TJP1: variants seen among roughly 807,000 people sequenced by gnomAD.
The protein encoded by TJP1 is tight junction protein 1.
TJP1 carries 43 observed loss-of-function variants against 194.2 expected under a neutral mutation model. The ratio of observed to expected loss-of-function variants is 0.22; its 90% CI spans 0.17 to 0.29. The LOEUF is 0.29. TJP1 is among the 10% of genes least tolerant of loss of function. The pLI is 1.00. For synonymous variants in TJP1, 801 were observed against 779.0 expected (o/e 1.03, Z -0.47); for missense variants, 1,971 against 2,185.7 (o/e 0.90, Z 1.96).
intron 2 of TJP1, among the ~76,000 whole-genome samples, chr15:29,874,298 G>A (rs1227780547): frequency 6.6e-6 from 1 of 152,158 alleles, no homozygotes; most frequent in Non-Finnish European, 1.5e-5. Context: ...TATCAGGGAT[G>A]GGGTTGCAGA....
intron 2 of TJP1, among the ~76,000 whole-genome samples, chr15:29,794,978 C>T (rs2048313544): frequency 6.6e-6 from 1 of 151,864 alleles, no homozygotes; most frequent in Non-Finnish European, 1.5e-5. Flanking sequence ...CCAGACTGAC[C>T]AAGAAATAAG....
chr15:29,955,351 A>G (rs2055895743), intron 2 of TJP1, among the ~76,000 whole-genome samples: 1 of 152,188 alleles, frequency 6.6e-6, no homozygotes, highest in East Asian at 1.9e-4. Context: ...TTTACAGCAA[A>G]GAAAATTCTA....
At chr15:29,763,166 A>T (rs1239264164) in intron 5 of TJP1, among the ~76,000 whole-genome samples, 4 of 152,134 alleles carry the variant, frequency 2.6e-5, no homozygotes, top group Non-Finnish European at 5.9e-5. Flanking sequence ...CCTTTAAACA[A>T]CCAACAAAGT....
chr15:29,845,665 C>T (rs779727267), intron 2 of TJP1, among the ~76,000 whole-genome samples: 9 of 152,024 alleles, frequency 5.9e-5, no homozygotes, highest in Admixed American at 1.3e-4. Flanking sequence ...ATTAGCCGGG[C>T]GTGGTGGCAG....
intron 2 of TJP1, among the ~76,000 whole-genome samples, chr15:29,844,196 G>A (rs1307445355): frequency 6.6e-6 from 1 of 152,058 alleles, no homozygotes; most frequent in East Asian, 1.9e-4. Context: ...TCAGCCTCCC[G>A]AGTAGCTGGG....
At chr15:29,905,511 T>A (rs192338700) in intron 2 of TJP1, among the ~76,000 whole-genome samples, 2 of 152,344 alleles carry the variant, frequency 1.3e-5, no homozygotes, top group South Asian at 2.1e-4. Context: ...CTCTTTAGTA[T>A]TTATCCAAAT....
intron 2 of TJP1, among the ~76,000 whole-genome samples, chr15:29,887,446 C>T (rs1327895828): frequency 4.6e-5 from 7 of 151,620 alleles, no homozygotes; most frequent in African/African-American, 1.7e-4. Context: ...ATTACAGGCA[C>T]GTGCCACCAA....
intron 2 of TJP1, among the ~76,000 whole-genome samples, chr15:29,888,198 A>G (rs1489041243): frequency 1.3e-5 from 2 of 152,058 alleles, no homozygotes; most frequent in Non-Finnish European, 2.9e-5. Flanking sequence ...TTTTTTAAAT[A>G]TAGATTTATA....
chr15:29,742,969 A>G (rs1259023452), intron 8 of TJP1, 188 bp from the exon 9 acceptor site: 7 of 423,354 alleles, frequency 1.7e-5, no homozygotes, highest in Non-Finnish European at 2.8e-5. Flanking sequence ...AAATAGATTC[A>G]TGTAATAAAA....
chr15:29,959,377 G>C (rs377139057), intron 1 of TJP1, among the ~76,000 whole-genome samples: 33 of 151,986 alleles, frequency 2.2e-4, no homozygotes, highest in East Asian at 1.4e-3. Flanking sequence ...ACCATCTAAT[G>C]TTTTTCTATT....
chr15:29,716,723 G>T lies in TJP1; in HGVS notation c.4090C>A (p.Arg1364=). The T allele has an allele frequency of 1.2e-6, 2 of 1,613,962 alleles. No homozygotes were observed. The highest frequency in any genetic ancestry group is 1.3e-5 in the African/African-American group (1 of 74,960). ...GGAGGCTTATTCTCAAAACTTCTTC[G>T]GTCAAAGTATGACAGCTGTTTTCGA... ...YYRKQLSYFD[R]RSFENKPPAH... Residue 1364 remains arginine (R), a synonymous_variant, in exon 23 of 28, where the codon CGA becomes AGA. Coordinates refer to ENST00000614355, the MANE Select transcript of TJP1 (RefSeq NM_001330239.4).
intron 2 of TJP1, among the ~76,000 whole-genome samples, chr15:29,931,735 C>T (rs1008879948): frequency 6.6e-6 from 1 of 152,064 alleles, no homozygotes; most frequent in African/African-American, 2.4e-5. Flanking sequence ...GGATCTCACA[C>T]AAGAAAGAAT....
chr15:29,762,504 A>G (rs1435392296), intron 5 of TJP1, 66 bp from the exon 6 acceptor site: 3 of 1,185,390 alleles, frequency 2.5e-6, no homozygotes, highest in East Asian at 2.4e-5. Flanking sequence ...TTTTACAAGT[A>G]TACAACTAAA....
At position 29,761,191 on chromosome 15, in the gene TJP1, A is replaced by G. The variant is rs1312614474; in HGVS notation, c.958T>C (p.Ser320Pro). 1 of 1,613,992 alleles carries G rather than the reference A, an allele frequency of 6.2e-7. No individual in the cohort carries two copies. Among genetic ancestry groups the G allele is most frequent in the South Asian group, 1.1e-5 (1 of 91,068 alleles). The part of the protein sequence containing the change: ...RSRSRSPDQR[S>P]EPSDHSRHSP... The stretch of plus-strand genomic sequence containing the variant: ...TGCCTGGAATGATCAGAAGGCTCTG[A>G]CCGCTGGTCAGGAGATCGTGACCGG... Residue 320 changes from serine to proline, a missense_variant, in exon 8 of 28, where the codon TCA becomes CCA. Physicochemically the swap from Ser to Pro is moderately conservative, Grantham distance 74. This residue lies in a region of TJP1 where 192 missense variants were observed against 182.3 expected (regional missense o/e 1.05). Transcript: ENST00000614355.
chr15:29,771,849 T>C (rs979939715), intron 4 of TJP1, among the ~76,000 whole-genome samples: 1 of 152,160 alleles, frequency 6.6e-6, no homozygotes, highest in South Asian at 2.1e-4. Flanking sequence ...CCCTTTCCTT[T>C]TTCAATTGAA....
chr15:29,705,789 A>C, intron 25 of TJP1, 44 bp from the exon 26 acceptor site: 3 of 1,566,396 alleles, frequency 1.9e-6, no homozygotes, highest in Non-Finnish European at 2.6e-6. Context: ...CTAATAATAC[A>C]CAGGTGCTTT....
chr15:29,959,196 AGC>A (rs1327422948), intron 1 of TJP1, among the ~76,000 whole-genome samples: 1 of 151,456 alleles, frequency 6.6e-6, no homozygotes, highest in Non-Finnish European at 1.5e-5. Context: ...TCACCATGTT[AGC>A]CAGGATGGTC....
At chr15:29,699,928 A>AC (rs2041441779), downstream of TJP1, 1 of 219,412 alleles carries the variant, frequency 4.6e-6, no homozygotes, top group African/African-American at 2.3e-5. Flanking sequence ...GCCTTCTCCC[A>AC]CTCTGTCTCC....
chr15:29,728,469 G>C (rs2043384618), intron 15 of TJP1: 1 of 157,690 alleles, frequency 6.3e-6, no homozygotes. Flanking sequence ...ATCAACCATC[G>C]GTAATGGTGC....
Sources: gnomAD v4.1 joint callset for allele counts (sites outside exome capture counted in the v4.1 genomes callset) on GRCh38, gnomAD v4.1.1 for gene constraint, gnomAD v4.1.1 regional missense constraint, MANE v1.5 for transcripts, NCBI Gene and HGNC (gene_info 2026-07-23, HGNC 2026-07-21) for gene names.